The following MAML2 variants were observed in gnomAD, a reference collection of about 807,000 sequenced individuals.
MAML2 encodes the protein mastermind-like protein 2.
MAML2 carries 22 observed loss-of-function variants against 96.1 expected under a neutral mutation model. That is an observed-to-expected ratio of 0.23 (90% CI 0.16 to 0.33). The LOEUF (loss-of-function observed/expected upper bound fraction) is 0.33. Ranked by LOEUF, MAML2 falls within the 10% of genes least tolerant of loss-of-function variation. MAML2 has a pLI of 1.00. For synonymous variants in MAML2, 561 were observed against 521.3 expected (o/e 1.08, Z -1.04); for missense variants, 1,367 against 1,392.4 (o/e 0.98, Z 0.29).
chr11:96,004,547 G>GT (rs1304066756), intron 2 of MAML2, among the ~76,000 whole-genome samples: 1 of 152,066 alleles, frequency 6.6e-6, no homozygotes, highest in Admixed American at 6.6e-5. Flanking sequence ...AGATAGCAAA[G>GT]TGAGAAATCC....
At chr11:96,322,693 CA>C (rs1024747087) in intron 1 of MAML2, among the ~76,000 whole-genome samples, 1 of 151,196 alleles carries the variant, frequency 6.6e-6, no homozygotes, top group African/African-American at 2.4e-5. Flanking sequence ...GACTCCGTCT[CA>C]AAAAAAAGAA....
At chr11:96,028,716 A>G (rs1858564049) in intron 2 of MAML2, among the ~76,000 whole-genome samples, 1 of 152,242 alleles carries the variant, frequency 6.6e-6, no homozygotes, top group Admixed American at 6.5e-5. Flanking sequence ...CAGACTGGAG[A>G]AAGGAGAAAA....
chr11:96,323,308 A>T (rs1054834666), intron 1 of MAML2, among the ~76,000 whole-genome samples: 3 of 152,028 alleles, frequency 2.0e-5, no homozygotes, highest in African/African-American at 7.2e-5. Flanking sequence ...CATTTTTTTT[A>T]AACACATCTG....
At chr11:96,300,281 A>T (rs1359938135) in intron 1 of MAML2, among the ~76,000 whole-genome samples, 1 of 152,196 alleles carries the variant, frequency 6.6e-6, no homozygotes, top group African/African-American at 2.4e-5. Flanking sequence ...GGAATATTGA[A>T]ATCTGCCAGG....
chr11:96,173,397 G>T (rs181903161), intron 1 of MAML2, among the ~76,000 whole-genome samples: 12 of 152,282 alleles, frequency 7.9e-5, no homozygotes, highest in Admixed American at 3.3e-4. Flanking sequence ...CAGTTTGAGG[G>T]GCCTGGGAAG....
At chr11:96,160,671 G>A (rs893352902) in intron 1 of MAML2, among the ~76,000 whole-genome samples, 10 of 152,078 alleles carry the variant, frequency 6.6e-5, no homozygotes, top group Non-Finnish European at 1.3e-4. Flanking sequence ...CAGGTGATCC[G>A]CCTGCCTCTG....
intron 3 of MAML2, among the ~76,000 whole-genome samples, chr11:95,988,552 A>ATT (rs992537881): frequency 6.8e-6 from 1 of 147,666 alleles, no homozygotes; most frequent in African/African-American, 2.5e-5. Context: ...ATATATTTAT[A>ATT]TTATATATAT....
chr11:96,091,836 A>C, intron 2 of MAML2, 56 bp downstream of exon 2: 1 of 1,561,666 alleles, frequency 6.4e-7, no homozygotes, highest in Middle Eastern at 1.7e-4. Flanking sequence ...CCACAGCATA[A>C]AGATCAAGCT....
chr11:96,097,403 T>C (rs4753718), intron 1 of MAML2, among the ~76,000 whole-genome samples: 119,780 of 151,956 alleles, frequency 0.79, 47,625 homozygotes, highest in Middle Eastern at 0.89. Context: ...GTGGACCTTT[T>C]GGGTGGCTGG....
chr11:96,107,208 T>C (rs905304915), intron 1 of MAML2, among the ~76,000 whole-genome samples: 5 of 152,148 alleles, frequency 3.3e-5, no homozygotes, highest in Admixed American at 1.3e-4. Context: ...TCTCCTATTA[T>C]CTTTTGAGGC....
intron 1 of MAML2, among the ~76,000 whole-genome samples, chr11:96,333,177 T>C (rs1863875770): frequency 1.3e-5 from 2 of 152,144 alleles, no homozygotes; most frequent in Non-Finnish European, 1.5e-5. Flanking sequence ...AAAAGAGAAA[T>C]TTTAAAGCAA....
At chr11:96,199,999 A>T (rs1052377429) in intron 1 of MAML2, among the ~76,000 whole-genome samples, 3 of 152,310 alleles carry the variant, frequency 2.0e-5, no homozygotes, top group African/African-American at 7.2e-5. Flanking sequence ...TAAAGAAAAC[A>T]TTACTGAAAA....
At chr11:96,219,245 G>C (rs1358813607) in intron 1 of MAML2, among the ~76,000 whole-genome samples, 1 of 152,236 alleles carries the variant, frequency 6.6e-6, no homozygotes, top group Non-Finnish European at 1.5e-5. Flanking sequence ...GATGAGGACA[G>C]AGATAAAATA....
At chr11:96,182,886 T>A (rs974799871) in intron 1 of MAML2, among the ~76,000 whole-genome samples, 2 of 152,092 alleles carry the variant, frequency 1.3e-5, no homozygotes, top group Admixed American at 1.3e-4. Context: ...GTTGTCGCTA[T>A]CATACCCGTT....
chr11:96,271,620 C>G (rs1163077152), intron 1 of MAML2, among the ~76,000 whole-genome samples: 1 of 152,168 alleles, frequency 6.6e-6, no homozygotes, highest in East Asian at 1.9e-4. Flanking sequence ...CTGCACTTCT[C>G]CTTGCTGCCA....
intron 1 of MAML2, among the ~76,000 whole-genome samples, chr11:96,159,407 C>CTTTTTTTTTTTTTTTTTTTTTT (rs760811590): frequency 1.2e-4 from 11 of 91,148 alleles, no homozygotes; most frequent in Admixed American, 1.6e-4. Context: ...ACCACTGATT[C>CTTTTTTTTTTTTTTTTTTTTTT]TTTTTTTTTT....
At chr11:96,005,283 A>G (rs527472926) in intron 2 of MAML2, among the ~76,000 whole-genome samples, 27 of 152,316 alleles carry the variant, frequency 1.8e-4, no homozygotes, top group Non-Finnish European at 2.8e-4. Context: ...GTATACTGAC[A>G]TTTAATTGAT....
chr11:96,026,617 C>T (rs1396835915), intron 2 of MAML2, among the ~76,000 whole-genome samples: 1 of 152,054 alleles, frequency 6.6e-6, no homozygotes, highest in African/African-American at 2.4e-5. Context: ...TACAGGGTTT[C>T]CTTTTCAAGG....
At chr11:96,251,981 C>G (rs1862587974) in intron 1 of MAML2, among the ~76,000 whole-genome samples, 1 of 152,116 alleles carries the variant, frequency 6.6e-6, no homozygotes, top group African/African-American at 2.4e-5. Context: ...ATCTGCCCGC[C>G]TCAGCCTCCC....
Sources: gnomAD v4.1 joint callset for allele counts (sites outside exome capture counted in the v4.1 genomes callset) on GRCh38, gnomAD v4.1.1 for gene constraint, MANE v1.5 for transcripts, NCBI Gene and HGNC (gene_info 2026-07-23, HGNC 2026-07-21) for gene names.